Variants in NDUFS5 observed in about 807,000 individuals in gnomAD.
NDUFS5 encodes the protein NADH dehydrogenase [ubiquinone] iron-sulfur protein 5.
A neutral mutation model predicts 10.5 loss-of-function variants in NDUFS5; 7 were observed. The observed-to-expected ratio is 0.66, with a 90% CI of 0.38 to 1.25. NDUFS5 has a LOEUF of 1.25. Among genes scored for constraint, NDUFS5 ranks in the 50% most tolerant of loss-of-function variants. The pLI, the probability that NDUFS5 is intolerant of heterozygous loss-of-function variation, is 0.02. For missense variants in NDUFS5, 148 were observed against 140.7 expected, an observed-to-expected ratio of 1.05 and a Z score of -0.26; for synonymous variants, 38 against 44.0, an observed-to-expected ratio of 0.86 and a Z score of 0.54.
intron 2 of NDUFS5, among the ~76,000 whole-genome samples, chr1:39,030,792 G>A (rs1287394666): frequency 1.3e-5 from 2 of 152,096 alleles, no homozygotes; most frequent in East Asian, 1.9e-4. Context: ...GTAGTAAGGT[G>A]GAAAGAACAT....
At chr1:39,032,499 T>C (rs544788466) in intron 2 of NDUFS5, among the ~76,000 whole-genome samples, 8 of 152,274 alleles carry the variant, frequency 5.3e-5, no homozygotes, top group African/African-American at 1.9e-4. Flanking sequence ...GACGTTTAAC[T>C]GAATATACTA....
intron 2 of NDUFS5, among the ~76,000 whole-genome samples, chr1:39,032,163 C>CA (rs571362067): frequency 6.6e-5 from 10 of 151,962 alleles, no homozygotes; most frequent in South Asian, 2.1e-4. Context: ...AACTCTGTGT[C>CA]AAAAAAACAA....
intron 2 of NDUFS5, among the ~76,000 whole-genome samples, chr1:39,030,947 A>G (rs1478025109): frequency 6.6e-6 from 1 of 151,882 alleles, no homozygotes. Flanking sequence ...TTCACAGCTC[A>G]CTGCAGATTC....
chr1:39,030,054 G>A (rs948707583), intron 2 of NDUFS5, among the ~76,000 whole-genome samples: 2 of 151,732 alleles, frequency 1.3e-5, no homozygotes, highest in African/African-American at 2.4e-5. Flanking sequence ...TCGTGCCACC[G>A]CACTCCAGCC....
rs957897644 is a variant in NDUFS5 at position 39,034,589 on chromosome 1, G to A, written c.*93G>A. The A allele has an allele frequency of 5.9e-6, 6 of 1,011,436 alleles. No homozygotes were observed. Among genetic ancestry groups the A allele is most frequent in the South Asian group, 5.3e-5 (4 of 75,106 alleles). 62.7% of individuals were successfully genotyped at this position (1,011,436 alleles called of 1,614,324 possible). Reference sequence around the variant, plus strand: ...ACGACAAACCTCCTTGTCAAAGTGTGTAAAAATAAAGGATTGCTCCATCCT... The same window carrying A: ...ACGACAAACCTCCTTGTCAAAGTGTATAAAAATAAAGGATTGCTCCATCCT... On this transcript the variant is annotated 3_prime_UTR_variant, in exon 3 of 3. Transcript: ENST00000372969.
intron 2 of NDUFS5, among the ~76,000 whole-genome samples, chr1:39,029,739 G>A (rs1644177029): frequency 6.6e-6 from 1 of 152,122 alleles, no homozygotes; most frequent in Non-Finnish European, 1.5e-5. Flanking sequence ...CTGTACATGA[G>A]CGTGAACAAC....
intron 1 of NDUFS5, 86 bp from the exon 2 acceptor site, chr1:39,028,637 T>G: frequency 8.3e-7 from 1 of 1,202,668 alleles, no homozygotes; most frequent in Non-Finnish European, 1.2e-6. Flanking sequence ...CTTAGCATGA[T>G]TATCTAATTT....
chr1:39,027,581 G>GTTTTTTCTTTT (rs1644158713), intron 1 of NDUFS5, among the ~76,000 whole-genome samples: 1 of 91,134 alleles, frequency 1.1e-5, no homozygotes, highest in Non-Finnish European at 2.2e-5. Flanking sequence ...TTTCGCTCTG[G>GTTTTTTCTTTT]TTTTTTTTTT....
intron 2 of NDUFS5, among the ~76,000 whole-genome samples, chr1:39,033,050 C>T (rs181583219): frequency 6.6e-6 from 1 of 152,238 alleles, no homozygotes; most frequent in Admixed American, 6.5e-5. Context: ...ATCCAGGGAC[C>T]AGTTCATTGT....
chr1:39,028,757 C>T lies in NDUFS5; in HGVS notation c.33C>T (p.Gly11=), dbSNP rs1644169983. 6.2e-7 allele frequency: 1 copy of T among 1,613,926 alleles called. No homozygotes were observed. The highest frequency in any genetic ancestry group is 8.5e-7 in the Non-Finnish European group (1 of 1,180,008). Residue 11 remains glycine (G), a synonymous_variant, in exon 2 of 3, where the codon GGC becomes GGT. Transcript: ENST00000372969. ...TCTTGGACATCCAGAAAAGGTTCGG[C>T]CTTAACATAGATCGATGGTTGACAA... MPFLDIQKRF[G]LNIDRWLTIQ...
intron 1 of NDUFS5, among the ~76,000 whole-genome samples, chr1:39,028,081 A>C: frequency 7.0e-6 from 1 of 141,906 alleles, no homozygotes; most frequent in Non-Finnish European, 1.5e-5. Flanking sequence ...TGGCCTCCCA[A>C]AGTTCTGGGA....
At position 39,026,394 on chromosome 1, in the gene NDUFS5, A is replaced by G. The variant is rs902379690; in HGVS notation, c.-11A>G. On this transcript the variant is annotated 5_prime_UTR_variant, in exon 1 of 3. Coordinates refer to ENST00000372969, the MANE Select transcript of NDUFS5 (RefSeq NM_004552.3). ...CCAGAGAAGAGTCAAGGGCACGAGCATCGGGTAGGTAGGGGCTGCTTATGT... is the reference window on the plus strand; with the variant it reads ...CCAGAGAAGAGTCAAGGGCACGAGCGTCGGGTAGGTAGGGGCTGCTTATGT... The G allele has an allele frequency of 2.6e-5, 4 of 152,210 alleles. No individual in the cohort carries two copies. Among genetic ancestry groups the G allele is most frequent in the Non-Finnish European group, 4.4e-5 (3 of 68,098 alleles). The allele number at this position is 152,210 out of a possible 1,614,324, so 9.4% of individuals were successfully genotyped here. A position where few individuals can be genotyped will look rare whatever the true frequency, so the allele number is the denominator to read the frequency against.
chr1:39,034,275 G>A (rs866378919), intron 2 of NDUFS5, 117 bp from the exon 3 acceptor site: 21 of 871,636 alleles, frequency 2.4e-5, no homozygotes, highest in Middle Eastern at 4.4e-4. Context: ...CAGAGGCCCC[G>A]TAAGATGAAA....
In NDUFS5 at chr1:39,026,381, C is replaced by T. The variant is rs1226683997; in HGVS notation, c.-24C>T. 1 of 152,240 alleles carries T rather than the reference C, an allele frequency of 6.6e-6. No individual in the cohort carries two copies. Among genetic ancestry groups the T allele is most frequent in the Non-Finnish European group, 1.5e-5 (1 of 68,106 alleles). 9.4% of individuals were successfully genotyped at this position (152,240 alleles called of 1,614,324 possible). A position where few individuals can be genotyped will look rare whatever the true frequency, so the allele number is the denominator to read the frequency against. ...TCTGAAGCGGCGGCCAGAGAAGAGT[C>T]AAGGGCACGAGCATCGGGTAGGTAG... On this transcript the variant is annotated 5_prime_UTR_variant, in exon 1 of 3. Coordinates refer to ENST00000372969, the MANE Select transcript of NDUFS5 (RefSeq NM_004552.3).
At position 39,028,627 on chromosome 1, in the gene NDUFS5, C is replaced by G. The variant is rs949705523; in HGVS notation, c.-2-96C>G. 9.0e-6 allele frequency: 10 copies of G among 1,111,270 alleles called. No homozygotes were observed. The African/African-American group carries it at 1.6e-4, about 17-fold the overall frequency. The allele number at this position is 1,111,270 out of a possible 1,614,324, so 68.8% of individuals were successfully genotyped here. ...TATCAAACAGTGTTCTAGAGGGCTACTTAGCATGATTATCTAATTTTTTCT... is the reference window on the plus strand; with the variant it reads ...TATCAAACAGTGTTCTAGAGGGCTAGTTAGCATGATTATCTAATTTTTTCT... On this transcript the variant is annotated intron_variant, in intron 1 of 2. Transcript: ENST00000372969.
chr1:39,032,272 G>A (rs1028969622), intron 2 of NDUFS5, among the ~76,000 whole-genome samples: 6 of 152,224 alleles, frequency 3.9e-5, no homozygotes, highest in Non-Finnish European at 7.3e-5. Flanking sequence ...ATCCTGGCAA[G>A]GCTGGCTTCA....
At chr1:39,028,631 G>A (rs548678703) in intron 1 of NDUFS5, 92 bp from the exon 2 acceptor site, 61 of 1,145,920 alleles carry the variant, frequency 5.3e-5, no homozygotes, top group Non-Finnish European at 7.1e-5. Context: ...GGGCTACTTA[G>A]CATGATTATC....
In NDUFS5 at chr1:39,028,841, A is replaced by G; in HGVS notation, c.117A>G (p.Glu39=). Residue 39 remains glutamate, a synonymous_variant, in exon 2 of 3, where the codon GAA becomes GAG. Coordinates refer to ENST00000372969, the MANE Select transcript of NDUFS5 (RefSeq NM_004552.3). ...MAGRCHAFEK[E]WIECAHGIGY... is the part of the protein sequence containing the mutation. ...GTCGATGCCATGCTTTTGAAAAAGAATGGATAGAATGTGCACATGGAATCG... is the reference window on the plus strand; with the variant it reads ...GTCGATGCCATGCTTTTGAAAAAGAGTGGATAGAATGTGCACATGGAATCG... 6.2e-7 allele frequency: 1 copy of G among 1,614,152 alleles called. No individual in the cohort carries two copies. The highest frequency in any genetic ancestry group is 8.5e-7 in the Non-Finnish European group (1 of 1,180,032).
chr1:39,028,729 C>T lies in NDUFS5; in HGVS notation c.5C>T (p.Pro2Leu). Reference protein sequence around the residue: MPFLDIQKRFGL... With the variant: MLFLDIQKRFGL... ...TTTAAATCTTCCATTACAGCCATGC[C>T]TTTCTTGGACATCCAGAAAAGGTTC... Residue 2 changes from proline to leucine, a missense_variant, in exon 2 of 3, where the codon CCT becomes CTT. Transcript: ENST00000372969. 1.2e-6 allele frequency: 2 copies of T among 1,613,894 alleles called. No individual in the cohort carries two copies. Among genetic ancestry groups the T allele is most frequent in the Non-Finnish European group, 1.7e-6 (2 of 1,179,928 alleles).
Sources: allele counts gnomAD v4.1 joint callset (sites outside exome capture counted in the v4.1 genomes callset), GRCh38; gene constraint gnomAD v4.1.1; transcripts MANE v1.5; gene names NCBI Gene and HGNC (gene_info 2026-07-23, HGNC 2026-07-21).